The following ZFYVE26 variants were observed in gnomAD, a reference collection of about 807,000 sequenced individuals.
ZFYVE26 encodes the protein zinc finger FYVE domain-containing protein 26.
Under a neutral mutation model 276.5 loss-of-function variants are expected in ZFYVE26, and 181 were observed. The observed-to-expected ratio is 0.65, with a 90% confidence interval of 0.58 to 0.74. The LOEUF is 0.74. ZFYVE26 is among the 30% of genes least tolerant of loss of function. ZFYVE26 has a pLI of 0.00. For synonymous variants in ZFYVE26, 1,129 were observed against 1,203.1 expected (o/e 0.94, Z 1.27); for missense variants, 2,821 against 3,097.9 (o/e 0.91, Z 2.12).
At chr14:67,816,359 T>C (rs1310781385) in intron 1 of ZFYVE26, among the ~76,000 whole-genome samples, 175 bp downstream of exon 1, 2 of 151,886 alleles carry the variant, frequency 1.3e-5, no homozygotes, top group African/African-American at 4.8e-5. Flanking sequence ...TCCTCAAGAA[T>C]GAGAAATTCA....
At chr14:67,754,381 G>C (rs1284997782) in intron 37 of ZFYVE26, among the ~76,000 whole-genome samples, 169 bp from the exon 38 acceptor site, 1 of 152,198 alleles carries the variant, frequency 6.6e-6, no homozygotes, top group Non-Finnish European at 1.5e-5. Flanking sequence ...CCAAAAAAAT[G>C]GTGATCTCGT....
chr14:67,748,173 TACTCACTC>T lies in ZFYVE26; in HGVS notation c.*255_*262del, dbSNP rs1298810929. ...GAACATGCACACGTGTGTGCACACATACTCACTCACTCACTCTGAGGTAGAAAGAACTG... is the reference window on the plus strand; with the variant it reads ...GAACATGCACACGTGTGTGCACACATACTCACTCTGAGGTAGAAAGAACTG... On this transcript the variant is annotated 3_prime_UTR_variant, in exon 42 of 42. Transcript: ENST00000347230. 12 of 549,544 alleles carry T rather than the reference TACTCACTC, an allele frequency of 2.2e-5. No individual in the cohort carries two copies. Among genetic ancestry groups the T allele is most frequent in the Non-Finnish European group, 3.3e-5 (10 of 304,028 alleles). 34.0% of individuals were successfully genotyped at this position (549,544 alleles called of 1,614,324 possible).
rs1165328816 is a variant in ZFYVE26, at chr14:67,807,924, A to C, written c.364-4T>G. 6.2e-7 allele frequency: 1 copy of C among 1,614,028 alleles called. No individual in the cohort carries two copies. Among genetic ancestry groups the C allele is most frequent in the African/African-American group, 1.3e-5 (1 of 74,930 alleles). On this transcript the variant is annotated splice_region_variant and splice_polypyrimidine_tract_variant and intron_variant, in intron 4 of 41. Coordinates refer to ENST00000347230, the MANE Select transcript of ZFYVE26 (RefSeq NM_015346.4). Reference sequence around the variant, plus strand: ...GTGTTAAGGTCTCATACAGCTCCTAAATAGAGGATGAAGAAAAGGATGGGT... The same window carrying C: ...GTGTTAAGGTCTCATACAGCTCCTACATAGAGGATGAAGAAAAGGATGGGT...
chr14:67,778,186 G>C lies in ZFYVE26; in HGVS notation c.4737C>G (p.Ser1579Arg), dbSNP rs762109249. Residue 1579 changes from serine (S) to arginine (R), a missense_variant, in exon 24 of 42, where the codon AGC becomes AGG. By Grantham distance (110) the Ser-to-Arg change is moderately radical. Coordinates refer to ENST00000347230, the MANE Select transcript of ZFYVE26 (RefSeq NM_015346.4). ...LYPIPREHLI[S>R]LHQKHLLHLL... ...GGTGGAGAAGATGCTTTTGATGAAGGCTGATTAAATGTTCTCTTGGAATGG... is the reference window on the plus strand; with the variant it reads ...GGTGGAGAAGATGCTTTTGATGAAGCCTGATTAAATGTTCTCTTGGAATGG... The C allele has an allele frequency of 1.9e-6, 3 of 1,614,134 alleles. No individual in the cohort carries two copies. The highest frequency in any genetic ancestry group is 1.6e-4 in the Middle Eastern group (1 of 6,062).
rs759642399 is a variant in ZFYVE26, at chr14:67,772,171, C to T, written c.5360G>A (p.Ser1787Asn). ...SIHSPSLRERSFPPTQPSQEF... is the reference protein window; with the variant it reads ...SIHSPSLRERNFPPTQPSQEF... ...CTGTGAGGGCTGGGTTGGTGGGAAA[C>T]TCCTTTCCCTTAGACTAGGGGAATG... The change falls in exon 28 of 42, where the codon AGT (serine) becomes AAT (asparagine). Residue 1787 changes from serine (S) to asparagine (N), a missense_variant. By Grantham distance (46) the Ser-to-Asn change is conservative. Coordinates refer to ENST00000347230, the MANE Select transcript of ZFYVE26 (RefSeq NM_015346.4). The T allele has an allele frequency of 2.5e-6, 4 of 1,613,258 alleles. No individual in the cohort carries two copies. Among genetic ancestry groups the T allele is most frequent in the Non-Finnish European group, 3.4e-6 (4 of 1,179,752 alleles).
intron 30 of ZFYVE26, 138 bp downstream of exon 30, chr14:67,768,379 G>A (rs2039114634): frequency 3.2e-6 from 3 of 946,666 alleles, no homozygotes; most frequent in African/African-American, 1.6e-5. Context: ...TGATACAAAT[G>A]CCAAGAATTT....
At chr14:67,810,641 G>C (rs947807297) in intron 3 of ZFYVE26, among the ~76,000 whole-genome samples, 1 of 152,168 alleles carries the variant, frequency 6.6e-6, no homozygotes, top group African/African-American at 2.4e-5. Context: ...CAAAGGCTCT[G>C]ACTCTTCCTG....
At chr14:67,772,258 G>C in intron 27 of ZFYVE26, 48 bp from the exon 28 acceptor site, 2 of 1,577,560 alleles carry the variant, frequency 1.3e-6, no homozygotes, top group Non-Finnish European at 1.7e-6. Flanking sequence ...CAATATACCA[G>C]CTTATAGATG....
intron 16 of ZFYVE26, among the ~76,000 whole-genome samples, chr14:67,788,926 C>T (rs2039735600): frequency 6.6e-6 from 1 of 152,174 alleles, no homozygotes; most frequent in Admixed American, 6.5e-5. Flanking sequence ...GCACATTCTG[C>T]ACTGTTATTC....
chr14:67,807,628 T>C lies in ZFYVE26; in HGVS notation c.656A>G (p.Tyr219Cys), dbSNP rs377171267. 5.6e-6 allele frequency: 9 copies of C among 1,614,144 alleles called. No individual in the cohort carries two copies. The highest frequency in any genetic ancestry group is 1.1e-5 in the South Asian group (1 of 91,082). ...SVPPGVVDAIYGALRTLRCPA... is the reference protein window; with the variant it reads ...SVPPGVVDAICGALRTLRCPA... The stretch of plus-strand genomic sequence containing the variant: ...GCAACGCAGAGTCCGCAGGGCTCCA[T>C]AGATGGCATCGACTACCCCAGGGGG... The change falls in exon 5 of 42, where the codon TAT (tyrosine) becomes TGT (cysteine). Residue 219 changes from tyrosine (Y) to cysteine (C), a missense_variant. By Grantham distance (194) the Tyr-to-Cys change is radical. Coordinates refer to ENST00000347230, the MANE Select transcript of ZFYVE26 (RefSeq NM_015346.4).
intron 10 of ZFYVE26, chr14:67,799,479 C>T: frequency 6.2e-6 from 10 of 1,610,198 alleles, no homozygotes; most frequent in Non-Finnish European, 7.6e-6. Flanking sequence ...AGCCTGAAGG[C>T]AGCCATTCAG....
At chr14:67,790,919 G>A (rs1400259063) in intron 14 of ZFYVE26, 146 bp from the exon 15 acceptor site, 7 of 737,694 alleles carry the variant, frequency 9.5e-6, no homozygotes, top group Non-Finnish European at 1.7e-5. Flanking sequence ...AATGTTAGAA[G>A]AGCAGGTCAA....
rs375820273 is a variant in ZFYVE26, at chr14:67,806,601, T to C, written c.961A>G (p.Lys321Glu). 6.2e-7 allele frequency: 1 copy of C among 1,614,220 alleles called. No homozygotes were observed. The highest frequency in any genetic ancestry group is 1.1e-5 in the South Asian group (1 of 91,088). ...CTCAGGCAGTAGAAATAGGCCACTT[T>C]CCAAGCCTCGGCTGGGTTGGGATTG... Reference protein sequence around the residue: ...FSNPNPAEAWKVAYFYCLSNN... With the variant: ...FSNPNPAEAWEVAYFYCLSNN... The change falls in exon 6 of 42, where the codon AAA becomes GAA. Residue 321 changes from lysine (K) to glutamate (E), a missense_variant. By Grantham distance (56) the Lys-to-Glu change is moderately conservative. Transcript: ENST00000347230.
At chr14:67,744,668 G>A (rs147655277), downstream of ZFYVE26, among the ~76,000 whole-genome samples, 18 of 152,186 alleles carry the variant, frequency 1.2e-4, no homozygotes, top group South Asian at 4.2e-4. Context: ...GCGATGTTTC[G>A]TTTTCTGTTC....
At position 67,755,491 on chromosome 14, in the gene ZFYVE26, A is replaced by T. The variant is rs541871209; in HGVS notation, c.6787-241T>A. On this transcript the variant is annotated intron_variant, in intron 36 of 41. Transcript: ENST00000347230. ...ACCACCGAAGAGATGCTAAAAGAAG[A>T]TATTTCTGATTCTCCACTCAAATTG... Among the ~76,000 whole-genome samples, 13 of 152,270 alleles carry T rather than the reference A, an allele frequency of 8.5e-5. No homozygotes were observed. In the South Asian group the frequency reaches 2.7e-3, roughly 32 times the overall value.
intron 13 of ZFYVE26, 79 bp downstream of exon 13, chr14:67,794,090 CTG>C: frequency 6.8e-7 from 1 of 1,463,650 alleles, no homozygotes; most frequent in Non-Finnish European, 9.6e-7. Context: ...CTGCTCAATC[CTG>C]GCTTTACACC....
At chr14:67,805,663 C>A (rs1257111593) in intron 6 of ZFYVE26, 45 bp from the exon 7 acceptor site, 2 of 1,600,134 alleles carry the variant, frequency 1.2e-6, no homozygotes, top group South Asian at 2.2e-5. Flanking sequence ...GTGGATGAGA[C>A]AGAATGGGTT....
chr14:67,797,016 G>C (rs1158390430), intron 12 of ZFYVE26: 1 of 152,650 alleles, frequency 6.6e-6, no homozygotes, highest in African/African-American at 2.4e-5. Flanking sequence ...TCATAGTATT[G>C]TGAGGATTAA....
At position 67,783,300 on chromosome 14, in the gene ZFYVE26, C is replaced by T; in HGVS notation, c.3852G>A (p.Leu1284=). Residue 1284 remains leucine (L), a synonymous_variant, in exon 21 of 42, where the codon TTG becomes TTA. Coordinates refer to ENST00000347230, the MANE Select transcript of ZFYVE26 (RefSeq NM_015346.4). The stretch of plus-strand genomic sequence containing the variant: ...TTGGGGAGGAGTAGGGCTTTCTTTC[C>T]AATGTAGGGTTCTCAGTTGTCCTCG... ...SSPRTTENPT[L]ERKPYSSPRD... is the part of the protein sequence containing the mutation. The T allele has an allele frequency of 6.2e-7, 1 of 1,613,062 alleles. No individual in the cohort carries two copies. The highest frequency in any genetic ancestry group is 8.5e-7 in the Non-Finnish European group (1 of 1,179,230).
Sources: gnomAD v4.1 joint callset for allele counts (sites outside exome capture counted in the v4.1 genomes callset) on GRCh38, gnomAD v4.1.1 for gene constraint, MANE v1.5 for transcripts, NCBI Gene and HGNC (gene_info 2026-07-23, HGNC 2026-07-21) for gene names.